ELMO1: variants seen among roughly 807,000 people sequenced by gnomAD.
ELMO1 encodes engulfment and cell motility protein 1.
A neutral mutation model predicts 98.9 loss-of-function variants in ELMO1; 26 were observed. The ratio of observed to expected loss-of-function variants is 0.26; its 90% CI spans 0.19 to 0.36. The LOEUF is 0.36. Among genes scored for constraint, ELMO1 ranks in the 10% least tolerant of loss-of-function variants. ELMO1 has a pLI of 1.00. For missense variants in ELMO1, 627 were observed against 935.2 expected (o/e 0.67, Z 4.30); for synonymous variants, 346 against 346.0 (o/e 1.00, Z 0.00).
chr7:37,320,417 C>A (rs556881107), intron 2 of ELMO1, among the ~76,000 whole-genome samples: 49 of 151,422 alleles, frequency 3.2e-4, no homozygotes, highest in African/African-American at 1.1e-3. Context: ...AACAAACAAA[C>A]AAAAAAAAAT....
intron 14 of ELMO1, among the ~76,000 whole-genome samples, chr7:37,112,938 A>T (rs1055581285): frequency 6.6e-6 from 1 of 152,230 alleles, no homozygotes. Context: ...TTTGGTAGGC[A>T]GGTTGCTAAT....
At chr7:37,099,923 C>T (rs6954939) in intron 14 of ELMO1, among the ~76,000 whole-genome samples, 13,307 of 151,738 alleles carry the variant, frequency 0.088, 641 homozygotes, top group Middle Eastern at 0.21. Flanking sequence ...ACCTCCGCCC[C>T]GCCAAGCTCA....
At chr7:37,254,552 TACA>T (rs1488195438) in intron 6 of ELMO1, among the ~76,000 whole-genome samples, 2 of 152,238 alleles carry the variant, frequency 1.3e-5, no homozygotes, top group Non-Finnish European at 2.9e-5. Flanking sequence ...GCTTCTAGGC[TACA>T]AACCTGTACA....
chr7:37,382,336 G>C (rs78152784), intron 1 of ELMO1, among the ~76,000 whole-genome samples: 7,575 of 152,222 alleles, frequency 0.05, 640 homozygotes, highest in African/African-American at 0.17. Flanking sequence ...TTCCCAAATA[G>C]TAACATTTTA....
chr7:37,277,467 G>A (rs1403263211), intron 4 of ELMO1, among the ~76,000 whole-genome samples: 14 of 152,212 alleles, frequency 9.2e-5, no homozygotes, highest in Admixed American at 7.9e-4. Flanking sequence ...TGGTCGCTTA[G>A]AGCTGGAGAT....
At chr7:37,193,222 G>A (rs1367018861) in intron 13 of ELMO1, among the ~76,000 whole-genome samples, 1 of 151,792 alleles carries the variant, frequency 6.6e-6, no homozygotes, top group African/African-American at 2.4e-5. Context: ...TTCCCCCCTG[G>A]ATTCTTGGTG....
chr7:36,989,586 G>C (rs915159572), intron 16 of ELMO1, among the ~76,000 whole-genome samples: 1 of 152,236 alleles, frequency 6.6e-6, no homozygotes, highest in Non-Finnish European at 1.5e-5. Context: ...GAATGGGACA[G>C]AGGGTCTCAC....
At chr7:37,038,151 C>T (rs1315269244) in intron 15 of ELMO1, among the ~76,000 whole-genome samples, 3 of 152,134 alleles carry the variant, frequency 2.0e-5, no homozygotes, top group Non-Finnish European at 4.4e-5. Context: ...GCATTGGTCC[C>T]GATCCCCTTG....
chr7:37,374,782 G>C (rs1028572858), intron 1 of ELMO1, among the ~76,000 whole-genome samples: 1 of 150,590 alleles, frequency 6.6e-6, no homozygotes, highest in Non-Finnish European at 1.5e-5. Flanking sequence ...AAATATCTTG[G>C]CTGGGCGCAG....
At chr7:37,034,935 C>A (rs1403366411) in intron 15 of ELMO1, among the ~76,000 whole-genome samples, 3 of 152,170 alleles carry the variant, frequency 2.0e-5, no homozygotes, top group Admixed American at 6.5e-5. Flanking sequence ...TTATCTCCTT[C>A]CTTCAGGGGT....
Position 37,096,713 on chromosome 7 carries a change from G to A in ELMO1, c.1206C>T (p.Asn402=), listed in dbSNP as rs1405173591. Residue 402 remains asparagine (N), a synonymous_variant, in exon 15 of 22, where the codon AAC becomes AAT. Coordinates refer to ENST00000310758, the MANE Select transcript of ELMO1 (RefSeq NM_014800.11). ...QDAYIRIVLE[N]SSREDKHECP... ...ATTCATGCTTGTCTTCTCGACTACTGTTCTCAAGCACAATCTGTAATGGGA... is the reference window on the plus strand; with the variant it reads ...ATTCATGCTTGTCTTCTCGACTACTATTCTCAAGCACAATCTGTAATGGGA... The A allele has an allele frequency of 1.9e-6, 3 of 1,614,034 alleles. No individual in the cohort carries two copies. Among genetic ancestry groups the A allele is most frequent in the Non-Finnish European group, 2.5e-6 (3 of 1,179,942 alleles).
chr7:37,007,040 C>T (rs201662733), intron 16 of ELMO1, among the ~76,000 whole-genome samples: 1 of 151,994 alleles, frequency 6.6e-6, no homozygotes, highest in African/African-American at 2.4e-5. Flanking sequence ...CACAGACACA[C>T]ATATGAAACT....
At chr7:37,049,999 C>T (rs762064778) in intron 15 of ELMO1, among the ~76,000 whole-genome samples, 28 of 151,844 alleles carry the variant, frequency 1.8e-4, no homozygotes, top group Non-Finnish European at 3.5e-4. Context: ...AGGCTGGTCT[C>T]GAACTCCCGA....
intron 15 of ELMO1, among the ~76,000 whole-genome samples, chr7:37,039,701 C>T (rs1017005295): frequency 6.6e-6 from 1 of 152,184 alleles, no homozygotes; most frequent in African/African-American, 2.4e-5. Flanking sequence ...GACTCTATTT[C>T]AGCCTGTGTC....
rs1397051635 is a variant in ELMO1, at chr7:36,878,131, C to G, written c.1715-14G>C. 11 of 1,594,322 alleles carry G rather than the reference C, an allele frequency of 6.9e-6. No homozygotes were observed. In the East Asian group the frequency reaches 2.0e-4, roughly 29 times the overall value. On this transcript the variant is annotated splice_polypyrimidine_tract_variant and intron_variant, in intron 18 of 21. Coordinates refer to ENST00000310758, the MANE Select transcript of ELMO1 (RefSeq NM_014800.11). The stretch of plus-strand genomic sequence containing the variant: ...ACCAAAACTTGTCTGAGAGAAAAAA[C>G]ACAAGTTTACAAGGTAAGTGATTGT...
chr7:37,296,528 T>C (rs555132106), intron 4 of ELMO1, among the ~76,000 whole-genome samples: 1 of 152,336 alleles, frequency 6.6e-6, no homozygotes, highest in Non-Finnish European at 1.5e-5. Context: ...CTCGTTGCCA[T>C]ACGCTGTGAC....
intron 16 of ELMO1, among the ~76,000 whole-genome samples, chr7:36,973,234 A>C (rs1470024061): frequency 1.3e-5 from 2 of 152,238 alleles, no homozygotes; most frequent in African/African-American, 4.8e-5. Flanking sequence ...CAGGTACATC[A>C]GGATAAAGGC....
chr7:36,896,867 G>T (rs988467153), intron 16 of ELMO1, among the ~76,000 whole-genome samples: 1 of 152,168 alleles, frequency 6.6e-6, no homozygotes, highest in African/African-American at 2.4e-5. Context: ...ACTTAGAATT[G>T]AGCCAAGGAG....
At chr7:37,425,883 A>G (rs1583740909) in intron 1 of ELMO1, among the ~76,000 whole-genome samples, 1 of 152,238 alleles carries the variant, frequency 6.6e-6, no homozygotes, top group Middle Eastern at 3.4e-3. Flanking sequence ...AGAGTCCCCC[A>G]CTCCAATGAG....
Sources: gnomAD v4.1 joint callset for allele counts (sites outside exome capture counted in the v4.1 genomes callset) on GRCh38, gnomAD v4.1.1 for gene constraint, MANE v1.5 for transcripts, NCBI Gene and HGNC (gene_info 2026-07-23, HGNC 2026-07-21) for gene names.